The following REPS2 variants were observed in gnomAD, a reference collection of about 807,000 sequenced individuals.
REPS2 encodes the protein RALBP1 associated Eps domain containing 2.
In REPS2, 23 loss-of-function variants were observed where a neutral mutation model predicts 53.6. That is an observed-to-expected ratio of 0.43 (90% CI 0.31 to 0.61). REPS2 has a LOEUF of 0.61. REPS2 is among the 20% of genes least tolerant of loss of function. REPS2 has a pLI of 0.11. For synonymous variants in REPS2, 238 were observed against 218.6 expected (o/e 1.09, Z -0.78); for missense variants, 446 against 534.9 (o/e 0.83, Z 1.64).
chrX:17,064,142 C>T (rs1402322085), intron 9 of REPS2, among the ~76,000 whole-genome samples: 2 of 104,721 alleles, frequency 1.9e-5, no homozygotes, highest in African/African-American at 7.0e-5. Context: ...GAAAGCAAAA[C>T]AACAACAAAA....
At chrX:17,185,662 C>T in the REPS2 span, among the ~76,000 whole-genome samples, 2 of 111,604 alleles carry the variant, frequency 1.8e-5, no homozygotes, top group Admixed American at 9.5e-5. Flanking sequence ...GAGAAACTGT[C>T]GCTGTAGAGA....
At chrX:16,955,104 C>T (rs887812817) in intron 1 of REPS2, among the ~76,000 whole-genome samples, 2 of 111,274 alleles carry the variant, frequency 1.8e-5, no homozygotes, top group African/African-American at 6.5e-5. Flanking sequence ...TGAGCCACCG[C>T]GCCTGGCCTA....
chrX:16,962,790 T>C (rs2060682074), intron 1 of REPS2, among the ~76,000 whole-genome samples: 2 of 112,232 alleles, frequency 1.8e-5, no homozygotes, highest in African/African-American at 6.5e-5. Context: ...AGTTATGCCA[T>C]AAAAATAGCT....
At chrX:17,023,467 T>A (rs182583498) in intron 3 of REPS2, among the ~76,000 whole-genome samples, 17 of 111,299 alleles carry the variant, frequency 1.5e-4, no homozygotes, top group African/African-American at 5.5e-4. Context: ...AAAATGTTTT[T>A]AAAATGCAAT....
intron 14 of REPS2, among the ~76,000 whole-genome samples, chrX:17,118,825 C>A (rs1209645595): frequency 8.9e-6 from 1 of 112,198 alleles, no homozygotes; most frequent in Non-Finnish European, 1.9e-5. Context: ...AAATGGCCTT[C>A]ACATTTGGTC....
At position 17,062,444 on chromosome X, in the gene REPS2, C is replaced by G; in HGVS notation, c.1121C>G (p.Pro374Arg). ...TCTTTTTGTTTCTTCTTAGCTTTTC[C>G]TAAGCCCAAATGGGACTGTCAATTA... ...LQPEYLQAAF[P>R]KPKWDCQLFD... Residue 374 changes from proline (P) to arginine (R), a missense_variant, in exon 9 of 18, where the codon CCT becomes CGT. Transcript: ENST00000357277. The G allele has an allele frequency of 2.5e-6, 3 of 1,194,925 alleles. No homozygotes were observed. The highest frequency in any genetic ancestry group is 3.4e-6 in the Non-Finnish European group (3 of 885,027).
At chrX:17,068,051 C>T (rs747080918) in intron 9 of REPS2, among the ~76,000 whole-genome samples, 84 of 111,947 alleles carry the variant, frequency 7.5e-4, no homozygotes, top group African/African-American at 2.5e-3. Flanking sequence ...CGGTGGCTCA[C>T]GCCTATAATC....
intron 1 of REPS2, among the ~76,000 whole-genome samples, chrX:16,962,118 G>A (rs763582243): frequency 1.3e-4 from 15 of 111,665 alleles, no homozygotes; most frequent in Non-Finnish European, 2.4e-4. Flanking sequence ...ATATGATCCA[G>A]CAATTCCTCT....
At chrX:17,194,847 C>T in the REPS2 span, among the ~76,000 whole-genome samples, 2 of 112,006 alleles carry the variant, frequency 1.8e-5, no homozygotes, top group African/African-American at 6.5e-5. Flanking sequence ...GGCATGTGGA[C>T]TCTCCCTCTA....
At chrX:17,049,158 G>A (rs767974192) in intron 6 of REPS2, among the ~76,000 whole-genome samples, 1 of 112,149 alleles carries the variant, frequency 8.9e-6, no homozygotes, top group Admixed American at 9.4e-5. Context: ...CTCCCAAAGT[G>A]CTGGGATTGC....
At chrX:17,086,579 G>A (rs2062539848) in intron 13 of REPS2, among the ~76,000 whole-genome samples, 1 of 112,254 alleles carries the variant, frequency 8.9e-6, no homozygotes, top group Non-Finnish European at 1.9e-5. Flanking sequence ...GCTCTCACAA[G>A]CTGGCATGAG....
intron 16 of REPS2, 155 bp downstream of exon 16, chrX:17,135,561 A>G: frequency 3.1e-6 from 2 of 646,731 alleles, no homozygotes; most frequent in Non-Finnish European, 4.6e-6. Flanking sequence ...CAAGTCTCCC[A>G]GTCACATAGA....
At chrX:17,022,098 G>A (rs894637040) in intron 2 of REPS2, 25 bp from the exon 3 acceptor site, 4 of 1,189,352 alleles carry the variant, frequency 3.4e-6, no homozygotes, top group South Asian at 3.7e-5. Flanking sequence ...TCTGACTAGA[G>A]CTTCTCTGAT....
chrX:17,027,229 A>G (rs2061656692), intron 4 of REPS2, among the ~76,000 whole-genome samples: 1 of 111,676 alleles, frequency 9.0e-6, no homozygotes, highest in Non-Finnish European at 1.9e-5. Context: ...CCCTAACGCA[A>G]TCACTGTTCT....
At position 17,101,631 on chromosome X, in the gene REPS2, A is replaced by T. The variant is rs150861228; in HGVS notation, c.1517-2087A>T. On this transcript the variant is annotated intron_variant, in intron 13 of 17. Coordinates refer to ENST00000357277, the MANE Select transcript of REPS2 (RefSeq NM_004726.3). ...ACAAGAGCAGGGCATTTGTCTTTAAAAAAAATTAAATCATACAAAAGAACT... is the reference window on the plus strand; with the variant it reads ...ACAAGAGCAGGGCATTTGTCTTTAATAAAAATTAAATCATACAAAAGAACT... 4.6e-3 allele frequency among the ~76,000 whole-genome samples: 518 copies of T among 111,855 alleles called. 4 individuals carry two copies. Among genetic ancestry groups the T allele is most frequent in the African/African-American group, 0.015 (471 of 30,768 alleles).
chrX:16,962,301 A>C (rs2060674455), intron 1 of REPS2, among the ~76,000 whole-genome samples: 1 of 109,701 alleles, frequency 9.1e-6, no homozygotes, highest in Non-Finnish European at 1.9e-5. Flanking sequence ...ACACACACAC[A>C]CACACACACA....
chrX:17,048,312 C>T (rs2061935150), intron 6 of REPS2, among the ~76,000 whole-genome samples: 1 of 111,809 alleles, frequency 8.9e-6, no homozygotes, highest in Non-Finnish European at 1.9e-5. Flanking sequence ...GTGGTAATGG[C>T]TTTATTGACG....
At chrX:17,112,820 G>A (rs772205425) in intron 14 of REPS2, among the ~76,000 whole-genome samples, 1 of 110,571 alleles carries the variant, frequency 9.0e-6, no homozygotes, top group South Asian at 3.8e-4. Flanking sequence ...TGGGCACAGT[G>A]GCTCACGCCT....
chrX:17,178,354 T>C, the REPS2 span, among the ~76,000 whole-genome samples: 1 of 112,403 alleles, frequency 8.9e-6, no homozygotes, highest in Non-Finnish European at 1.9e-5. Flanking sequence ...TGCTCCATTC[T>C]GTCAAACCAA....
Sources: allele counts gnomAD v4.1 joint callset (sites outside exome capture counted in the v4.1 genomes callset), GRCh38; gene constraint gnomAD v4.1.1; transcripts MANE v1.5; gene names NCBI Gene and HGNC (gene_info 2026-07-23, HGNC 2026-07-21).